The following C9 variants were observed in gnomAD, a reference collection of about 807,000 sequenced individuals.
C9 encodes the protein complement component C9.
C9 carries 63 observed loss-of-function variants against 65.4 expected under a neutral mutation model. The ratio of observed to expected loss-of-function variants is 0.96; its 90% CI spans 0.79 to 1.19. C9 has a LOEUF of 1.19. Ranked by LOEUF, C9 falls within the 50% of genes most tolerant of loss-of-function variation. The pLI is 0.00. For missense variants in C9, 744 were observed against 670.1 expected (o/e 1.11, Z -1.22); for synonymous variants, 229 against 227.9 (o/e 1.00, Z -0.04).
intron 7 of C9, among the ~76,000 whole-genome samples, chr5:39,310,818 T>C (rs537322005): frequency 1.8e-4 from 28 of 152,320 alleles, no homozygotes; most frequent in African/African-American, 5.8e-4. Context: ...ATACAAATTA[T>C]GTCTGTACTT....
At chr5:39,294,112 T>A (rs1308645087) in intron 9 of C9, among the ~76,000 whole-genome samples, 1 of 151,228 alleles carries the variant, frequency 6.6e-6, no homozygotes, top group Non-Finnish European at 1.5e-5. Context: ...ATCTAGAAAA[T>A]TTTCAAATAA....
chr5:39,352,714 C>T (rs1754342446), intron 1 of C9, among the ~76,000 whole-genome samples: 1 of 152,190 alleles, frequency 6.6e-6, no homozygotes, highest in African/African-American at 2.4e-5. Flanking sequence ...ACAAAAATTA[C>T]TCTCTAATTC....
At chr5:39,303,991 T>A (rs988122573) in intron 9 of C9, among the ~76,000 whole-genome samples, 2 of 152,184 alleles carry the variant, frequency 1.3e-5, no homozygotes, top group East Asian at 3.8e-4. Context: ...CTTGTTTTTA[T>A]TAATCTTTTT....
Position 39,364,375 on chromosome 5 carries a change from G to C in C9, c.77+13C>G. On this transcript the variant is annotated intron_variant, in intron 1 of 10. Transcript: ENST00000263408. ...GAAACTTCCAGAGACAAGCAGAAAA[G>C]TAACTGACTCACCTGGTCGTGTACT... The C allele has an allele frequency of 2.0e-6, 3 of 1,518,492 alleles. No homozygotes were observed. The highest frequency in any genetic ancestry group is 2.7e-6 in the Non-Finnish European group (3 of 1,092,716). 94.1% of individuals were successfully genotyped at this position (1,518,492 alleles called of 1,614,324 possible). A position where few individuals can be genotyped will look rare whatever the true frequency, so the allele number is the denominator to read the frequency against.
chr5:39,313,526 CT>C (rs1483849766), intron 6 of C9, among the ~76,000 whole-genome samples: 1 of 152,150 alleles, frequency 6.6e-6, no homozygotes, highest in Non-Finnish European at 1.5e-5. Context: ...CCTAGAGAAT[CT>C]TGTTAAAATG....
chr5:39,306,206 C>T (rs1036336605), intron 9 of C9, among the ~76,000 whole-genome samples: 2 of 151,120 alleles, frequency 1.3e-5, no homozygotes, highest in African/African-American at 4.9e-5. Flanking sequence ...ATACAATTCT[C>T]CTGTGTTAGA....
chr5:39,336,112 T>C (rs941652992), intron 4 of C9, among the ~76,000 whole-genome samples: 1 of 152,180 alleles, frequency 6.6e-6, no homozygotes, highest in African/African-American at 2.4e-5. Flanking sequence ...AAAGATAAAA[T>C]CAATAAATAT....
At chr5:39,355,543 C>A (rs1754400285) in intron 1 of C9, among the ~76,000 whole-genome samples, 1 of 151,882 alleles carries the variant, frequency 6.6e-6, no homozygotes, top group African/African-American at 2.4e-5. Flanking sequence ...TTATTGCTCT[C>A]CCGGACTGTG....
chr5:39,288,644 T>G lies in C9; in HGVS notation c.1645+79A>C. ...AATCTAGAGATTTAGTACAAATTAA[T>G]TCAAGAGCTAGTTTTCAAATTAGAT... On this transcript the variant is annotated intron_variant, in intron 10 of 10. Transcript: ENST00000263408. 9.0e-6 allele frequency: 7 copies of G among 777,710 alleles called. No individual in the cohort carries two copies. In the South Asian group the frequency reaches 9.8e-5, roughly 11 times the overall value. The allele number at this position is 777,710 out of a possible 1,614,324, so 48.2% of individuals were successfully genotyped here.
chr5:39,315,380 T>C (rs898267568), intron 6 of C9, among the ~76,000 whole-genome samples: 3 of 152,194 alleles, frequency 2.0e-5, no homozygotes, highest in Admixed American at 2.0e-4. Flanking sequence ...CATAGCATCA[T>C]TTCTTTAGAG....
intron 1 of C9, among the ~76,000 whole-genome samples, chr5:39,360,379 A>G (rs1400184257): frequency 6.6e-6 from 1 of 151,960 alleles, no homozygotes; most frequent in Non-Finnish European, 1.5e-5. Context: ...AACCCGGACA[A>G]CTTCTCTCCA....
In C9 at chr5:39,311,258, A is replaced by C. The variant is rs760687562; in HGVS notation, c.990T>G (p.Tyr330Ter). 6.2e-7 allele frequency: 1 copy of C among 1,613,838 alleles called. No homozygotes were observed. Among genetic ancestry groups the C allele is most frequent in the East Asian group, 2.2e-5 (1 of 44,862 alleles). ...AAAAGGCAAAATATTCTCCCTTTTCATAGGTAGTTGGCAAAGCTTTTATAT... is the reference window on the plus strand; with the variant it reads ...AAAAGGCAAAATATTCTCCCTTTTCCTAGGTAGTTGGCAAAGCTTTTATAT... ...VDDIKALPTT[Y>*]EKGEYFAFLE... Residue 330 changes from tyrosine to a stop codon, truncating the protein, a stop_gained, in exon 7 of 11, where the codon TAT (tyrosine) becomes TAG (stop). Coordinates refer to ENST00000263408, the MANE Select transcript of C9 (RefSeq NM_001737.5). LOFTEE classifies it high-confidence loss of function.
chr5:39,341,964 G>A (rs1316721688), intron 2 of C9, 127 bp downstream of exon 2: 3 of 734,282 alleles, frequency 4.1e-6, no homozygotes, highest in African/African-American at 1.7e-5. Context: ...ACATTTAAAT[G>A]TTTATCTCTC....
intron 8 of C9, among the ~76,000 whole-genome samples, chr5:39,307,921 T>A (rs536041885): frequency 9.2e-5 from 14 of 152,106 alleles, no homozygotes; most frequent in Non-Finnish European, 1.8e-4. Flanking sequence ...AAAATTAGGG[T>A]GAAGAAAGGA....
intron 5 of C9, among the ~76,000 whole-genome samples, chr5:39,330,418 C>G (rs1230282884): frequency 6.6e-6 from 1 of 152,118 alleles, no homozygotes; most frequent in African/African-American, 2.4e-5. Context: ...CTATGTCGTA[C>G]AAGTTATTAC....
chr5:39,329,186 C>T (rs1456819732), intron 5 of C9, among the ~76,000 whole-genome samples: 1 of 152,094 alleles, frequency 6.6e-6, no homozygotes, highest in African/African-American at 2.4e-5. Context: ...CCCCTTTTTA[C>T]TTCTACAGTT....
intron 5 of C9, among the ~76,000 whole-genome samples, chr5:39,320,529 A>G (rs1753647790): frequency 6.6e-6 from 1 of 152,198 alleles, no homozygotes; most frequent in African/African-American, 2.4e-5. Flanking sequence ...TGTGGGAACT[A>G]TGGGGCACCA....
At chr5:39,296,958 T>A (rs546866245) in intron 9 of C9, among the ~76,000 whole-genome samples, 36 of 150,738 alleles carry the variant, frequency 2.4e-4, no homozygotes, top group Admixed American at 9.9e-4. Flanking sequence ...GACAATACAA[T>A]AAAGGCCATA....
intron 1 of C9, among the ~76,000 whole-genome samples, chr5:39,359,100 G>GTATATATATATATATATATA (rs1270604293): frequency 1.1e-5 from 1 of 87,796 alleles, no homozygotes; most frequent in African/African-American, 4.3e-5. Context: ...GTGTGTGTGT[G>GTATATATATATATATATATA]TGTATATATA....
Sources: gnomAD v4.1 joint callset for allele counts (sites outside exome capture counted in the v4.1 genomes callset) on GRCh38, gnomAD v4.1.1 for gene constraint, MANE v1.5 for transcripts, NCBI Gene and HGNC (gene_info 2026-07-23, HGNC 2026-07-21) for gene names.